EP300: variants seen among roughly 807,000 people sequenced by gnomAD.
The protein encoded by EP300 is histone acetyltransferase p300.
A neutral mutation model predicts 264.0 loss-of-function variants in EP300; 31 were observed. That is an observed-to-expected ratio of 0.12 (90% CI 0.09 to 0.16). The LOEUF is 0.16. Among genes scored for constraint, EP300 ranks in the 10% least tolerant of loss-of-function variants. The pLI, the probability that EP300 is intolerant of heterozygous loss-of-function variation, is 1.00. For missense variants in EP300, 2,766 were observed against 3,052.9 expected, an observed-to-expected ratio of 0.91 and a Z score of 2.21; for synonymous variants, 1,340 against 1,045.4, an observed-to-expected ratio of 1.28 and a Z score of -5.44.
Position 41,092,822 on chromosome 22 carries a change from C to T in EP300, c.-183C>T, listed in dbSNP as rs866956568. On this transcript the variant is annotated 5_prime_UTR_variant, in exon 1 of 31. Coordinates refer to ENST00000263253, the MANE Select transcript of EP300 (RefSeq NM_001429.4). ...TCGCACTTGCCCTTACCTTTTCTAT[C>T]GAGTCCGCATCCCTCTCCAGCCACT... 1.3e-5 allele frequency: 9 copies of T among 707,654 alleles called. No individual in the cohort carries two copies. The highest frequency in any genetic ancestry group is 3.9e-4 in the Middle Eastern group (1 of 2,540). The allele number at this position is 707,654 out of a possible 1,614,324, so 43.8% of individuals were successfully genotyped here.
chr22:41,131,867 G>GAT (rs1300518338), intron 6 of EP300, among the ~76,000 whole-genome samples: 1 of 152,082 alleles, frequency 6.6e-6, no homozygotes, highest in Non-Finnish European at 1.5e-5. Context: ...GCAGAAATGA[G>GAT]ATCCCATATG....
chr22:41,155,806 A>G (rs970097939), intron 17 of EP300, among the ~76,000 whole-genome samples: 45 of 152,194 alleles, frequency 3.0e-4, no homozygotes, highest in African/African-American at 1.1e-3. Flanking sequence ...TCAGTAGCAC[A>G]TACCTATTTA....
Position 41,178,163 on chromosome 22 carries a change from A to G in EP300, c.6452A>G (p.Gln2151Arg). ...QRAGLPQQQP[Q>R]QQLQPPMGGM... Reference sequence around the variant, plus strand: ...GCTGGCCTGCCCCAGCAGCAACCACAGCAGCAACTCCAGCCACCCATGGGA... The same window carrying G: ...GCTGGCCTGCCCCAGCAGCAACCACGGCAGCAACTCCAGCCACCCATGGGA... Residue 2151 changes from glutamine to arginine, a missense_variant, in exon 31 of 31, where the codon CAG becomes CGG. Transcript: ENST00000263253. 6.2e-7 allele frequency: 1 copy of G among 1,614,110 alleles called. No individual in the cohort carries two copies. The highest frequency in any genetic ancestry group is 8.5e-7 in the Non-Finnish European group (1 of 1,180,012).
At position 41,180,019 on chromosome 22, in the gene EP300, T is replaced by C. The variant is rs946047323; in HGVS notation, c.*1063T>C. ...TAAATATGAACTTTGGATCACTGTA[T>C]AGACTGTTAAATTTGATTTCTTATT... On this transcript the variant is annotated 3_prime_UTR_variant, in exon 31 of 31. Coordinates refer to ENST00000263253, the MANE Select transcript of EP300 (RefSeq NM_001429.4). 4.3e-6 allele frequency: 1 copy of C among 231,694 alleles called. No individual in the cohort carries two copies. The highest frequency in any genetic ancestry group is 8.6e-6 in the Non-Finnish European group (1 of 116,792). 14.4% of individuals were successfully genotyped at this position (231,694 alleles called of 1,614,324 possible). A position where few individuals can be genotyped will look rare whatever the true frequency, so the allele number is the denominator to read the frequency against.
chr22:41,121,167 T>C lies in EP300; in HGVS notation c.729+3346T>C, dbSNP rs527477923. Among the ~76,000 whole-genome samples, 9 of 152,190 alleles carry C rather than the reference T, an allele frequency of 5.9e-5. No homozygotes were observed. In the East Asian group the frequency reaches 1.7e-3, roughly 29 times the overall value. On this transcript the variant is annotated intron_variant, in intron 2 of 30. Coordinates refer to ENST00000263253, the MANE Select transcript of EP300 (RefSeq NM_001429.4). ...TTTCTTTTTTCTTTTTTCTTTTTTT[T>C]CAAAAAAGAAAGAATAGTTGTCTGC...
chr22:41,176,232 C>A lies in EP300; in HGVS notation c.4780-15C>A. On this transcript the variant is annotated splice_polypyrimidine_tract_variant and intron_variant, in intron 29 of 30. Transcript: ENST00000263253. ...GAGGCCCTGTCTCAAAAAAAAGAGA[C>A]TGTCTGTTTTTCAGGTCTTCTTTGT... 1.9e-6 allele frequency: 3 copies of A among 1,613,774 alleles called. No individual in the cohort carries two copies. Among genetic ancestry groups the A allele is most frequent in the Non-Finnish European group, 2.5e-6 (3 of 1,179,750 alleles).
chr22:41,148,903 C>CCTCTTCACCT, intron 12 of EP300, 135 bp from the exon 13 acceptor site: 1 of 1,129,540 alleles, frequency 8.9e-7, no homozygotes, highest in Non-Finnish European at 1.3e-6. Flanking sequence ...CCTCTTCAGC[C>CCTCTTCACCT]CTCTTCACCT....
At chr22:41,101,083 C>A (rs1397394946) in intron 1 of EP300, among the ~76,000 whole-genome samples, 1 of 147,634 alleles carries the variant, frequency 6.8e-6, no homozygotes, top group African/African-American at 2.7e-5. Context: ...CATATTCTTT[C>A]TTCTTTTTAG....
chr22:41,099,324 C>T (rs903097018), intron 1 of EP300, among the ~76,000 whole-genome samples: 3 of 151,958 alleles, frequency 2.0e-5, no homozygotes, highest in African/African-American at 7.2e-5. Flanking sequence ...TGAGCCACCG[C>T]GCCCGGCCTG....
In EP300 at chr22:41,171,295, G is replaced by A. The variant is rs560388043; in HGVS notation, c.4452+724G>A. On this transcript the variant is annotated intron_variant, in intron 27 of 30. Transcript: ENST00000263253. ...GCCTTAAAATATATCTTTTTGTTTT[G>A]GTTTTTTGTTGGTTTGGTTTGGGTT... 2.6e-3 allele frequency among the ~76,000 whole-genome samples: 394 copies of A among 151,398 alleles called. 3 individuals are homozygous for A. The highest frequency in any genetic ancestry group is 9.2e-3 in the African/African-American group (379 of 41,282).
chr22:41,150,689 G>C (rs905471449), intron 14 of EP300, among the ~76,000 whole-genome samples: 4 of 151,994 alleles, frequency 2.6e-5, no homozygotes, highest in African/African-American at 9.7e-5. Flanking sequence ...AGGAGTTCAA[G>C]ACCAGCCTGG....
intron 4 of EP300, among the ~76,000 whole-genome samples, chr22:41,128,572 A>G (rs552771539): frequency 2.0e-5 from 3 of 152,158 alleles, no homozygotes; most frequent in East Asian, 3.9e-4. Flanking sequence ...TGGTGGCACA[A>G]TCTCGGCTCA....
intron 19 of EP300, 180 bp downstream of exon 19, chr22:41,158,680 G>C (rs1423946042): frequency 9.9e-6 from 6 of 604,202 alleles, no homozygotes; most frequent in Non-Finnish European, 1.5e-5. Flanking sequence ...TTTTCTATCA[G>C]AGTAGCCTTG....
At chr22:41,172,868 G>A (rs1601636184) in intron 28 of EP300, among the ~76,000 whole-genome samples, 1 of 152,166 alleles carries the variant, frequency 6.6e-6, no homozygotes, top group Admixed American at 6.5e-5. Flanking sequence ...CTTTTAAAAT[G>A]GCATCTCAGA....
chr22:41,134,601 C>T (rs888306573), intron 6 of EP300, among the ~76,000 whole-genome samples: 5 of 152,114 alleles, frequency 3.3e-5, no homozygotes, highest in African/African-American at 1.2e-4. Flanking sequence ...CGCCATGTGG[C>T]CCAGGCTGGT....
intron 5 of EP300, 67 bp from the exon 6 acceptor site, chr22:41,131,321 T>TG (rs747613541): frequency 5.0e-5 from 77 of 1,532,792 alleles, no homozygotes; most frequent in Non-Finnish European, 6.6e-5. Context: ...GGTTTTTTAT[T>TG]AGACATGTTA....
chr22:41,130,716 A>G (rs1601606630), intron 5 of EP300, among the ~76,000 whole-genome samples: 1 of 152,236 alleles, frequency 6.6e-6, no homozygotes, highest in Middle Eastern at 3.4e-3. Flanking sequence ...CTTTTATACT[A>G]TACTTGTGAT....
chr22:41,178,828 C>T lies in EP300; in HGVS notation c.7117C>T (p.Leu2373Phe), dbSNP rs1569122862. Reference sequence around the variant, plus strand: ...TGCCAGCCCGGACCAGAATTCAATGCTTTCTCAGCTTGCTAGCAATCCAGG... The same window carrying T: ...TGCCAGCCCGGACCAGAATTCAATGTTTTCTCAGCTTGCTAGCAATCCAGG... Reference protein sequence around the residue: ...HFASPDQNSMLSQLASNPGMA... With the variant: ...HFASPDQNSMFSQLASNPGMA... Residue 2373 changes from leucine (L) to phenylalanine (F), a missense_variant, in exon 31 of 31, where the codon CTT becomes TTT. Physicochemically the swap from Leu to Phe is conservative, Grantham distance 22. Coordinates refer to ENST00000263253, the MANE Select transcript of EP300 (RefSeq NM_001429.4). 1 of 1,614,200 alleles carries T rather than the reference C, an allele frequency of 6.2e-7. No individual in the cohort carries two copies. The highest frequency in any genetic ancestry group is 1.7e-5 in the Admixed American group (1 of 60,022).
intron 9 of EP300, 112 bp downstream of exon 9, chr22:41,140,369 T>C: frequency 1.2e-6 from 1 of 810,066 alleles, no homozygotes; most frequent in Non-Finnish European, 2.2e-6. Context: ...GGACACGCTG[T>C]AGCTATCCCG....
Sources: allele counts gnomAD v4.1 joint callset (sites outside exome capture counted in the v4.1 genomes callset), GRCh38; gene constraint gnomAD v4.1.1; transcripts MANE v1.5; gene names NCBI Gene and HGNC (gene_info 2026-07-23, HGNC 2026-07-21).